Variants in SGIP1 observed in about 807,000 individuals in gnomAD.
SGIP1 encodes SH3-containing GRB2-like protein 3-interacting protein 1.
SGIP1 carries 38 observed loss-of-function variants against 107.5 expected under a neutral mutation model. The observed-to-expected ratio is 0.35, with a 90% confidence interval of 0.27 to 0.46. The LOEUF is 0.46. Ranked by LOEUF, SGIP1 falls within the 20% of genes least tolerant of loss-of-function variation. The pLI is 1.00. For missense variants in SGIP1, 929 were observed against 1,019.5 expected (o/e 0.91, Z 1.21); for synonymous variants, 365 against 366.1 (o/e 1.00, Z 0.03).
At position 66,745,512 on chromosome 1, in the gene SGIP1, C is replaced by T. The variant is rs563446685; in HGVS notation, c.*2417C>T. ...TAATCTCCTGTTACATCTATATCCACAGTACTGTAGAATAAGAATTCATGT... is the reference window on the plus strand; with the variant it reads ...TAATCTCCTGTTACATCTATATCCATAGTACTGTAGAATAAGAATTCATGT... On this transcript the variant is annotated 3_prime_UTR_variant, in exon 25 of 25. Coordinates refer to ENST00000371037, the MANE Select transcript of SGIP1 (RefSeq NM_032291.4). The T allele has an allele frequency of 1.5e-3, 235 of 152,096 alleles. No individual in the cohort carries two copies. The highest frequency in any genetic ancestry group is 5.4e-3 in the African/African-American group (226 of 41,510). 9.4% of individuals were successfully genotyped at this position (152,096 alleles called of 1,614,324 possible).
chr1:66,578,029 G>A (rs2061319341), intron 1 of SGIP1, among the ~76,000 whole-genome samples: 1 of 152,038 alleles, frequency 6.6e-6, no homozygotes, highest in African/African-American at 2.4e-5. Context: ...TTAGAAGTTG[G>A]TGTGACTTTT....
At chr1:66,548,080 G>A (rs2056741446) in intron 1 of SGIP1, among the ~76,000 whole-genome samples, 1 of 152,142 alleles carries the variant, frequency 6.6e-6, no homozygotes, top group South Asian at 2.1e-4. Context: ...GAGCAATGGA[G>A]GTGGATCTGG....
intron 19 of SGIP1, among the ~76,000 whole-genome samples, chr1:66,719,710 C>G (rs1175303156): frequency 3.3e-5 from 5 of 152,100 alleles, no homozygotes; most frequent in African/African-American, 1.2e-4. Flanking sequence ...AAACTCTAAC[C>G]CAGTCTGTCA....
Position 66,749,024 on chromosome 1 carries a change from G to T in SGIP1, c.*5929G>T, listed in dbSNP as rs928622008. The stretch of plus-strand genomic sequence containing the variant: ...TTGAAAAAAATGCTTCTGGAATTTT[G>T]TTTTAATTTTAAGAGAATTCCTGTC... On this transcript the variant is annotated 3_prime_UTR_variant, in exon 25 of 25. Coordinates refer to ENST00000371037, the MANE Select transcript of SGIP1 (RefSeq NM_032291.4). Among the ~76,000 whole-genome samples the T allele has an allele frequency of 1.5e-4, 23 of 151,710 alleles. No individual in the cohort carries two copies. Among genetic ancestry groups the T allele is most frequent in the Admixed American group, 3.3e-4 (5 of 15,244 alleles).
At chr1:66,580,248 C>G (rs187611997) in intron 1 of SGIP1, among the ~76,000 whole-genome samples, 30 of 152,212 alleles carry the variant, frequency 2.0e-4, no homozygotes, top group African/African-American at 6.7e-4. Context: ...AACCTAAGGC[C>G]CCACTACAAC....
intron 19 of SGIP1, among the ~76,000 whole-genome samples, chr1:66,728,545 G>A (rs1420213036): frequency 6.6e-6 from 1 of 152,152 alleles, no homozygotes; most frequent in Non-Finnish European, 1.5e-5. Flanking sequence ...ATAGTGTGGT[G>A]ATTCCTCAAA....
At chr1:66,623,829 G>A (rs1032789569) in intron 1 of SGIP1, among the ~76,000 whole-genome samples, 4 of 152,130 alleles carry the variant, frequency 2.6e-5, no homozygotes, top group African/African-American at 9.7e-5. Flanking sequence ...ACTGATGCTG[G>A]GAATGGACTC....
intron 21 of SGIP1, among the ~76,000 whole-genome samples, chr1:66,735,124 C>T (rs1398644334): frequency 2.6e-5 from 4 of 152,124 alleles, no homozygotes; most frequent in South Asian, 2.1e-4. Flanking sequence ...CCCACCCCAC[C>T]ACCACTACCT....
intron 8 of SGIP1, among the ~76,000 whole-genome samples, chr1:66,662,413 G>C (rs901970615): frequency 6.6e-6 from 1 of 152,152 alleles, no homozygotes; most frequent in African/African-American, 2.4e-5. Context: ...AGACTGTTTG[G>C]TTAGTTGGAA....
chr1:66,551,801 C>T (rs1226444299), intron 1 of SGIP1, among the ~76,000 whole-genome samples: 5 of 152,078 alleles, frequency 3.3e-5, no homozygotes, highest in African/African-American at 1.2e-4. Context: ...TAGATGAACG[C>T]CATATATAAG....
At chr1:66,631,681 TTCTCTCTCTCTCTCTCTCTC>T (rs71058468) in intron 2 of SGIP1, among the ~76,000 whole-genome samples, 33,804 of 132,290 alleles carry the variant, frequency 0.26, 5,088 homozygotes, top group African/African-American at 0.43. Context: ...CTCTCTCTCT[TTCTCTCTCTCTCTCTCTCTC>T]TCTCTCTCTC....
chr1:66,591,827 C>A (rs56313125), intron 1 of SGIP1, among the ~76,000 whole-genome samples: 1 of 152,274 alleles, frequency 6.6e-6, no homozygotes, highest in East Asian at 1.9e-4. Flanking sequence ...AGCAGGAAAA[C>A]GTGAGCAAAG....
chr1:66,632,937 T>C, intron 2 of SGIP1, 133 bp from the exon 3 acceptor site: 1 of 719,180 alleles, frequency 1.4e-6, no homozygotes, highest in East Asian at 2.6e-5. Flanking sequence ...TTAGTTTTCA[T>C]TAGCCAGGTT....
chr1:66,548,901 T>C (rs1182711473), intron 1 of SGIP1, among the ~76,000 whole-genome samples: 1 of 152,208 alleles, frequency 6.6e-6, no homozygotes, highest in Non-Finnish European at 1.5e-5. Context: ...CTAAATTGCA[T>C]TTTTACCCAA....
At chr1:66,599,684 A>G (rs1570379663) in intron 1 of SGIP1, among the ~76,000 whole-genome samples, 1 of 152,350 alleles carries the variant, frequency 6.6e-6, no homozygotes, top group South Asian at 2.1e-4. Context: ...GTATACGAGG[A>G]AAATGTACAA....
chr1:66,621,387 C>T (rs962246449), intron 1 of SGIP1, among the ~76,000 whole-genome samples: 3 of 152,162 alleles, frequency 2.0e-5, no homozygotes, highest in African/African-American at 4.8e-5. Context: ...TCCTTGTCCT[C>T]CCTTGTCACA....
intron 9 of SGIP1, among the ~76,000 whole-genome samples, chr1:66,668,195 A>G (rs948284132): frequency 6.6e-6 from 1 of 151,964 alleles, no homozygotes; most frequent in Admixed American, 6.6e-5. Context: ...AAGTATCATA[A>G]ATTTTTTTTT....
intron 21 of SGIP1, among the ~76,000 whole-genome samples, chr1:66,738,487 CTG>C (rs762450836): frequency 1.3e-5 from 2 of 152,232 alleles, no homozygotes; most frequent in Admixed American, 6.5e-5. Flanking sequence ...AATTCCAACA[CTG>C]TGAATTTTTC....
In SGIP1 at chr1:66,673,385, T is replaced by C; in HGVS notation, c.646+19T>C. ...ACAGAAGGTAGGAAAAGAAACTCCA[T>C]ATATTATAGATTTGTTTTTTCTTTT... On this transcript the variant is annotated intron_variant, in intron 12 of 24. Coordinates refer to ENST00000371037, the MANE Select transcript of SGIP1 (RefSeq NM_032291.4). 1 of 1,570,978 alleles carries C rather than the reference T, an allele frequency of 6.4e-7. No individual in the cohort carries two copies. The highest frequency in any genetic ancestry group is 2.2e-5 in the East Asian group (1 of 44,586).
Sources: allele counts gnomAD v4.1 joint callset (sites outside exome capture counted in the v4.1 genomes callset), GRCh38; gene constraint gnomAD v4.1.1; transcripts MANE v1.5; gene names NCBI Gene and HGNC (gene_info 2026-07-23, HGNC 2026-07-21).